Variants in MEF2A observed in about 807,000 individuals in gnomAD.
The protein encoded by MEF2A is myocyte-specific enhancer factor 2A.
Under a neutral mutation model 55.8 loss-of-function variants are expected in MEF2A, and 28 were observed. That is an observed-to-expected ratio of 0.50 (90% CI 0.37 to 0.69). The LOEUF (loss-of-function observed/expected upper bound fraction) is 0.69. MEF2A is among the 30% of genes least tolerant of loss of function. The pLI is 0.00. For synonymous variants in MEF2A, 239 were observed against 227.1 expected (o/e 1.05, Z -0.47); for missense variants, 528 against 626.2 (o/e 0.84, Z 1.67).
chr15:99,587,836 GT>G (rs200357036), intron 1 of MEF2A, among the ~76,000 whole-genome samples: 2 of 151,112 alleles, frequency 1.3e-5, no homozygotes, highest in Admixed American at 1.3e-4. Context: ...CTTTATTGTA[GT>G]TTTTTTTTGT....
chr15:99,595,607 A>T (rs749886778), intron 1 of MEF2A, among the ~76,000 whole-genome samples: 1 of 152,238 alleles, frequency 6.6e-6, no homozygotes, highest in African/African-American at 2.4e-5. Context: ...TATTGGGGAT[A>T]TAAAAAGAAC....
At chr15:99,623,246 T>C (rs572619994) in intron 2 of MEF2A, among the ~76,000 whole-genome samples, 4 of 152,386 alleles carry the variant, frequency 2.6e-5, no homozygotes, top group Admixed American at 6.5e-5. Context: ...TTTCCTTCTT[T>C]TTTAATGCTG....
intron 1 of MEF2A, among the ~76,000 whole-genome samples, chr15:99,577,163 A>G (rs1460482030): frequency 6.6e-6 from 1 of 152,236 alleles, no homozygotes; most frequent in Non-Finnish European, 1.5e-5. Flanking sequence ...TATGTAATTA[A>G]TGTTAAATTG....
chr15:99,686,007 CAG>C (rs1327367797), intron 7 of MEF2A, among the ~76,000 whole-genome samples: 2 of 152,080 alleles, frequency 1.3e-5, no homozygotes, highest in African/African-American at 2.4e-5. Context: ...TTGGTCCATG[CAG>C]AGTTTTTATT....
intron 1 of MEF2A, among the ~76,000 whole-genome samples, chr15:99,570,960 A>G (rs1961981642): frequency 6.6e-6 from 1 of 152,052 alleles, no homozygotes; most frequent in Admixed American, 6.5e-5. Flanking sequence ...GGAGGCGGGC[A>G]GATCACCTGA....
At chr15:99,566,450 A>G (rs1959496881) in intron 1 of MEF2A, 1 of 90,990 alleles carries the variant, frequency 1.1e-5, no homozygotes, top group Non-Finnish European at 2.3e-5. Context: ...GTGGGGCTGG[A>G]TGGGGCTCGG....
At chr15:99,699,069 AAC>A (rs2056960920) in intron 8 of MEF2A, among the ~76,000 whole-genome samples, 2 of 151,450 alleles carry the variant, frequency 1.3e-5, no homozygotes, top group African/African-American at 4.9e-5. Flanking sequence ...AAAAAAAAAA[AAC>A]AAAAAAAACT....
In MEF2A at chr15:99,714,187, A is replaced by G. The variant is rs1272657399; in HGVS notation, c.*1416A>G. ...CATAAATAGCAAAGTGGCAAAAAAAATTGGTGTTAAGTTCATCCTGCATAA... is the reference window on the plus strand; with the variant it reads ...CATAAATAGCAAAGTGGCAAAAAAAGTTGGTGTTAAGTTCATCCTGCATAA... On this transcript the variant is annotated 3_prime_UTR_variant, in exon 12 of 12. Transcript: ENST00000557942. 1 of 151,952 alleles carries G rather than the reference A, an allele frequency of 6.6e-6. No individual in the cohort carries two copies. The highest frequency in any genetic ancestry group is 2.4e-5 in the African/African-American group (1 of 41,438). 9.4% of individuals were successfully genotyped at this position (151,952 alleles called of 1,614,324 possible).
rs573951130 is a variant in MEF2A, at chr15:99,716,213, ATGTT to A, written c.*3446_*3449del. On this transcript the variant is annotated 3_prime_UTR_variant, in exon 12 of 12. Coordinates refer to ENST00000557942, the MANE Select transcript of MEF2A (RefSeq NM_001319206.4). The stretch of plus-strand genomic sequence containing the variant: ...TAAAAGAGATTTATGTATTTGGTAA[ATGTT>A]TGTAGTCAACAGTTCACACAAGAAG... 70 of 204,912 alleles carry A rather than the reference ATGTT, an allele frequency of 3.4e-4. No homozygotes were observed. Among genetic ancestry groups the A allele is most frequent in the African/African-American group, 1.3e-3 (56 of 43,360 alleles). 12.7% of individuals were successfully genotyped at this position (204,912 alleles called of 1,614,324 possible). A position where few individuals can be genotyped will look rare whatever the true frequency, so the allele number is the denominator to read the frequency against.
chr15:99,618,207 A>G lies in MEF2A; in HGVS notation c.-142-14771A>G, dbSNP rs1368156938. 3.9e-5 allele frequency among the ~76,000 whole-genome samples: 6 copies of G among 152,204 alleles called. No homozygotes were observed. The East Asian group carries it at 5.8e-4, about 15-fold the overall frequency. ...ATTAGAACCATGGAATGTTAGAGCT[A>G]TGTTACCCTAAGAAGGATCGAGAAT... is the stretch of plus-strand genomic sequence containing the variant. On this transcript the variant is annotated intron_variant, in intron 2 of 11. Transcript: ENST00000557942.
chr15:99,584,251 G>T (rs1966739971), intron 1 of MEF2A, among the ~76,000 whole-genome samples: 1 of 152,108 alleles, frequency 6.6e-6, no homozygotes, highest in African/African-American at 2.4e-5. Flanking sequence ...CCAATATGTG[G>T]ATCACTATGG....
At chr15:99,690,565 G>A (rs1380716357) in intron 8 of MEF2A, 137 bp downstream of exon 8, 3 of 828,078 alleles carry the variant, frequency 3.6e-6, no homozygotes, top group Admixed American at 4.0e-5. Flanking sequence ...TTCAAAATTA[G>A]TATTTGAAGA....
intron 2 of MEF2A, among the ~76,000 whole-genome samples, chr15:99,608,728 C>T (rs1976014571): frequency 2.0e-5 from 3 of 151,962 alleles, no homozygotes; most frequent in African/African-American, 7.3e-5. Flanking sequence ...GGTGAAACCC[C>T]ATCTCTACTA....
intron 1 of MEF2A, among the ~76,000 whole-genome samples, chr15:99,587,438 T>A (rs1305609183): frequency 6.6e-6 from 1 of 152,238 alleles, no homozygotes; most frequent in African/African-American, 2.4e-5. Flanking sequence ...GTTCTGGCTG[T>A]ATTATAAATT....
intron 1 of MEF2A, among the ~76,000 whole-genome samples, chr15:99,569,663 A>G (rs561430265): frequency 6.6e-6 from 1 of 152,310 alleles, no homozygotes; most frequent in South Asian, 2.1e-4. Context: ...TCTCTAAGAT[A>G]TAGTATTTGA....
chr15:99,702,272 A>G (rs1397771666), intron 8 of MEF2A, among the ~76,000 whole-genome samples: 1 of 152,136 alleles, frequency 6.6e-6, no homozygotes, highest in African/African-American at 2.4e-5. Context: ...CTTCTTCCAG[A>G]TTAGGGCTTC....
At chr15:99,612,131 C>G (rs1442560056) in intron 2 of MEF2A, among the ~76,000 whole-genome samples, 1 of 151,918 alleles carries the variant, frequency 6.6e-6, no homozygotes, top group African/African-American at 2.4e-5. Context: ...TAGAAAAACA[C>G]CGGGCCGGGG....
chr15:99,662,930 A>G (rs1394579575), intron 4 of MEF2A, among the ~76,000 whole-genome samples: 5 of 152,216 alleles, frequency 3.3e-5, no homozygotes, highest in Non-Finnish European at 7.3e-5. Context: ...GGTTTATTTA[A>G]TTGATTTAAA....
At chr15:99,700,887 T>G (rs146530076) in intron 8 of MEF2A, among the ~76,000 whole-genome samples, 1,715 of 148,936 alleles carry the variant, frequency 0.012, 42 homozygotes, top group African/African-American at 0.039. Context: ...TTGAGTCCAT[T>G]ACTGATATAA....
Sources: gnomAD v4.1 joint callset for allele counts (sites outside exome capture counted in the v4.1 genomes callset) on GRCh38, gnomAD v4.1.1 for gene constraint, MANE v1.5 for transcripts, NCBI Gene and HGNC (gene_info 2026-07-23, HGNC 2026-07-21) for gene names.